Variants in DDX54 observed in about 807,000 individuals in gnomAD.
The protein encoded by DDX54 is ATP-dependent RNA helicase DDX54.
Under a neutral mutation model 105.5 loss-of-function variants are expected in DDX54, and 67 were observed. That is an observed-to-expected ratio of 0.64 (90% CI 0.52 to 0.78). The LOEUF (loss-of-function observed/expected upper bound fraction) is 0.78. Among genes scored for constraint, DDX54 ranks in the 30% least tolerant of loss-of-function variants. The pLI, the probability that DDX54 is intolerant of heterozygous loss-of-function variation, is 0.00. For synonymous variants in DDX54, 514 were observed against 509.9 expected (o/e 1.01, Z -0.11); for missense variants, 1,206 against 1,230.5 (o/e 0.98, Z 0.30).
At position 113,165,635 on chromosome 12, in the gene DDX54, C is replaced by T. The variant is rs746640336; in HGVS notation, c.1719+9G>A. 2 of 1,599,376 alleles carry T rather than the reference C, an allele frequency of 1.3e-6. No individual in the cohort carries two copies. The highest frequency in any genetic ancestry group is 2.2e-5 in the East Asian group (1 of 44,558). On this transcript the variant is annotated intron_variant, in intron 14 of 19. Coordinates refer to ENST00000306014, the MANE Select transcript of DDX54 (RefSeq NM_024072.4). The stretch of plus-strand genomic sequence containing the variant: ...ACTCAGAGCGTGGTCTCCACCCGGC[C>T]CCACTCACCGCCCGGGAGCGGTAGT...
At chr12:113,169,319 T>A (rs1350686208) in intron 12 of DDX54, among the ~76,000 whole-genome samples, 2 of 152,030 alleles carry the variant, frequency 1.3e-5, no homozygotes, top group African/African-American at 2.4e-5. Flanking sequence ...AGACCCCGTC[T>A]CGTTAAAAAA....
In DDX54 at chr12:113,164,251, A is replaced by G. The variant is rs1465287839; in HGVS notation, c.1754T>C (p.Leu585Pro). 2.5e-6 allele frequency: 4 copies of G among 1,596,704 alleles called. No individual in the cohort carries two copies. The highest frequency in any genetic ancestry group is 2.6e-6 in the Non-Finnish European group (3 of 1,172,820). Residue 585 changes from leucine to proline, a missense_variant, in exon 15 of 20, where the codon CTG becomes CCG. By Grantham distance (98) the Leu-to-Pro change is moderately conservative (BLOSUM62 -3). Around this residue, in one of 3 missense-constraint regions of DDX54, gnomAD observed 961 missense variants for 1,019.1 expected, o/e 0.94. Transcript: ENST00000306014. Reference protein sequence around the residue: ...IFEINASSRDLCSQVMRAKRQ... With the variant: ...IFEINASSRDPCSQVMRAKRQ... The stretch of plus-strand genomic sequence containing the variant: ...CTTGGCGCGCATCACCTGGCTGCAC[A>G]GGTCTCGGCTGGAGGCGTTGATCTC...
Position 113,169,881 on chromosome 12 carries a change from T to C in DDX54, c.1303A>G (p.Ser435Gly), listed in dbSNP as rs748629428. 6.2e-7 allele frequency: 1 copy of C among 1,613,560 alleles called. No individual in the cohort carries two copies. Among genetic ancestry groups the C allele is most frequent in the Non-Finnish European group, 8.5e-7 (1 of 1,179,988 alleles). The change falls in exon 12 of 20, where the codon AGT becomes GGT. Residue 435 changes from serine to glycine, a missense_variant. By Grantham distance (56) the Ser-to-Gly change is moderately conservative (BLOSUM62 0). This residue lies in a region of DDX54 where 961 missense variants were observed against 1,019.1 expected (regional missense o/e 0.94). Transcript: ENST00000306014. ...GCCACCAAGGAGTAGGCTGTGCCAC[T>C]TCGGCCAGCCCGAGCCACACGGCCT... Reference protein sequence around the residue: ...RVGRVARAGRSGTAYSLVAPD... With the variant: ...RVGRVARAGRGGTAYSLVAPD...
chr12:113,180,209 G>A (rs1209313010), intron 2 of DDX54, among the ~76,000 whole-genome samples: 1 of 152,170 alleles, frequency 6.6e-6, no homozygotes, highest in Non-Finnish European at 1.5e-5. Context: ...TTTCTGATGT[G>A]AACCCACTCT....
intron 19 of DDX54, 132 bp downstream of exon 19, chr12:113,161,138 T>C: frequency 5.0e-6 from 3 of 602,318 alleles, no homozygotes; most frequent in Non-Finnish European, 8.0e-6. Context: ...CCCAGGGTTT[T>C]GGCAGCATAC....
At chr12:113,180,852 T>G in intron 2 of DDX54, 77 bp downstream of exon 2, 1 of 1,596,066 alleles carries the variant, frequency 6.3e-7, no homozygotes, top group African/African-American at 1.4e-5. Flanking sequence ...AGAGTGGACA[T>G]CAGTGATGGA....
At position 113,158,848 on chromosome 12, in the gene DDX54, C is replaced by A; in HGVS notation, c.*29G>T. 6.4e-7 allele frequency: 1 copy of A among 1,563,784 alleles called. No individual in the cohort carries two copies. The highest frequency in any genetic ancestry group is 1.2e-5 in the South Asian group (1 of 83,876). On this transcript the variant is annotated 3_prime_UTR_variant, in exon 20 of 20. Transcript: ENST00000306014. This position sits in a 1 kb window ranked among gnomAD's most constrained non-coding sequence, Gnocchi z 4.9. ...TGCTGATGCCCACCCTAAGGCCAAT[C>A]AAGGAGCCACGGGGCTGGGTCCTGG... is the stretch of plus-strand genomic sequence containing the variant.
In DDX54 at chr12:113,158,568, AG is replaced by A; in HGVS notation, c.*308del. The A allele has an allele frequency of 1.5e-5, 5 of 343,596 alleles. No individual in the cohort carries two copies. Among genetic ancestry groups the A allele is most frequent in the Non-Finnish European group, 2.6e-5 (5 of 191,044 alleles). The allele number at this position is 343,596 out of a possible 1,614,324, so 21.3% of individuals were successfully genotyped here. On this transcript the variant is annotated 3_prime_UTR_variant, in exon 20 of 20. Transcript: ENST00000306014. The surrounding 1 kb of genome is among the most constrained non-coding windows in gnomAD (Gnocchi z 4.9). ...AGGCACTCAGGGCTCTGACCGGTGC[AG>A]CCATGACCTCTGAACCCAGAACACA...
At chr12:113,181,433 C>T (rs1036865494) in intron 1 of DDX54, among the ~76,000 whole-genome samples, 4 of 151,870 alleles carry the variant, frequency 2.6e-5, no homozygotes, top group African/African-American at 7.3e-5. Context: ...GCTGGGACTA[C>T]AGGCGTATAC....
chr12:113,185,421 G>T lies in DDX54; in HGVS notation c.31C>A (p.Pro11Thr). 1.3e-6 allele frequency: 2 copies of T among 1,527,644 alleles called. No individual in the cohort carries two copies. The highest frequency in any genetic ancestry group is 8.8e-7 in the Non-Finnish European group (1 of 1,140,182). The allele number at this position is 1,527,644 out of a possible 1,614,324, so 94.6% of individuals were successfully genotyped here. Residue 11 changes from proline to threonine, a missense_variant, in exon 1 of 20, where the codon CCT (proline) becomes ACT (threonine). Physicochemically the swap from Pro to Thr is conservative, Grantham distance 38. This residue lies in a region of DDX54 where 212 missense variants were observed against 155.4 expected (regional missense o/e 1.36). Coordinates refer to ENST00000306014, the MANE Select transcript of DDX54 (RefSeq NM_024072.4). ...TGGGCCATGGCAGCTCGCGACCGAG[G>T]TCCAGCCGCCGGGCCCTTGTCGGCC... MAADKGPAAGPRSRAAMAQWR... is the reference protein window; with the variant it reads MAADKGPAAGTRSRAAMAQWR...
chr12:113,184,794 C>A (rs1486908285), intron 1 of DDX54, among the ~76,000 whole-genome samples: 1 of 152,170 alleles, frequency 6.6e-6, no homozygotes, highest in Non-Finnish European at 1.5e-5. Flanking sequence ...CAACTGCACT[C>A]CGGCATGAGC....
intron 1 of DDX54, 43 bp downstream of exon 1, chr12:113,185,235 C>G: frequency 2.1e-6 from 3 of 1,449,928 alleles, no homozygotes; most frequent in Admixed American, 2.6e-5. Context: ...TGCCCGGAGC[C>G]GGGTCTCGGG....
At chr12:113,174,792 G>A (rs376396244) in intron 9 of DDX54, 21 bp from the exon 10 acceptor site, 11 of 1,614,054 alleles carry the variant, frequency 6.8e-6, no homozygotes, top group East Asian at 2.2e-5. Context: ...AGGGCATCAC[G>A]TGTTGGCTTA....
intron 7 of DDX54, among the ~76,000 whole-genome samples, chr12:113,175,646 G>A (rs1199406570): frequency 4.6e-5 from 7 of 152,090 alleles, no homozygotes; most frequent in East Asian, 1.9e-4. Flanking sequence ...AAAATTAGCC[G>A]GGCGTGGTGG....
chr12:113,166,256 G>T (rs1019591103), intron 12 of DDX54, among the ~76,000 whole-genome samples: 33 of 152,342 alleles, frequency 2.2e-4, no homozygotes, highest in African/African-American at 7.5e-4. Flanking sequence ...GCTGCCTGCT[G>T]CTTCTGGAAA....
rs769901613 is a variant in DDX54 at position 113,158,893 on chromosome 12, A to T, written c.2630T>A (p.Met877Lys). The change falls in exon 20 of 20, where the codon ATG becomes AAG. Residue 877 changes from methionine (M) to lysine (K), a missense_variant. Physicochemically the swap from Met to Lys is moderately conservative, Grantham distance 95. Transcript: ENST00000306014. This position sits in a 1 kb window ranked among gnomAD's most constrained non-coding sequence, Gnocchi z 4.9. ...TCCTGGTCCTCACATCCTCTTCCGC[A>T]TCTTGCCCTTCTTGGAGCGGGCACC... ...GRGARSKKGK[M>K]RKRM The T allele has an allele frequency of 1.2e-5, 19 of 1,605,236 alleles. No homozygotes were observed. The highest frequency in any genetic ancestry group is 1.6e-5 in the Non-Finnish European group (19 of 1,173,698).
In DDX54 at chr12:113,172,510, C is replaced by A. The variant is rs746013697; in HGVS notation, c.1122G>T (p.Pro374=). The A allele has an allele frequency of 1.2e-6, 2 of 1,614,118 alleles. No homozygotes were observed. Among genetic ancestry groups the A allele is most frequent in the Non-Finnish European group, 8.5e-7 (1 of 1,180,046 alleles). Residue 374 remains proline, a synonymous_variant, in exon 11 of 20, where the codon CCG becomes CCT. Transcript: ENST00000306014. ...TGGCGAGATTGATCTTGCGGGCTGT[C>A]GGGTCTAGGGCACTGTAGATGTGGG... ...SCAHIYSALD[P]TARKINLAKF...
chr12:113,180,800 C>T, intron 2 of DDX54, 129 bp downstream of exon 2: 1 of 1,475,816 alleles, frequency 6.8e-7, no homozygotes, highest in South Asian at 1.3e-5. Flanking sequence ...ACTGGAGGAC[C>T]ACATCTGCTA....
At chr12:113,184,170 T>C (rs1952498022) in intron 1 of DDX54, among the ~76,000 whole-genome samples, 1 of 152,206 alleles carries the variant, frequency 6.6e-6, no homozygotes, top group African/African-American at 2.4e-5. Context: ...GGTCTTGAAC[T>C]CCCGACCTCA....
Sources: gnomAD v4.1 joint callset for allele counts (sites outside exome capture counted in the v4.1 genomes callset) on GRCh38, gnomAD v4.1.1 for gene constraint, gnomAD v4.1.1 regional missense constraint, Gnocchi (gnomAD v3.1) non-coding constraint, MANE v1.5 for transcripts, NCBI Gene and HGNC (gene_info 2026-07-23, HGNC 2026-07-21) for gene names.